Variants in KCNH1 observed in about 807,000 individuals in gnomAD.
KCNH1 encodes voltage-gated delayed rectifier potassium channel KCNH1.
Under a neutral mutation model 69.2 loss-of-function variants are expected in KCNH1, and 27 were observed. The observed-to-expected ratio is 0.39, with a 90% CI of 0.29 to 0.54. KCNH1 has a LOEUF of 0.54. Ranked by LOEUF, KCNH1 falls within the 20% of genes least tolerant of loss-of-function variation. KCNH1 has a pLI of 0.68. For missense variants in KCNH1, 798 were observed against 1,261.6 expected (o/e 0.63, Z 5.57); for synonymous variants, 456 against 487.7 (o/e 0.93, Z 0.86).
At chr1:210,898,247 T>C (rs937807722) in intron 7 of KCNH1, among the ~76,000 whole-genome samples, 1 of 152,216 alleles carries the variant, frequency 6.6e-6, no homozygotes, top group Non-Finnish European at 1.5e-5. Context: ...AGTATGACTA[T>C]ATTGCCTTAT....
chr1:210,787,466 G>T (rs1185443056), intron 9 of KCNH1, among the ~76,000 whole-genome samples: 1 of 152,194 alleles, frequency 6.6e-6, no homozygotes, highest in Non-Finnish European at 1.5e-5. Context: ...TTTATGAGAG[G>T]TGTATCTGTT....
At chr1:210,978,621 A>T (rs1574374709) in intron 6 of KCNH1, among the ~76,000 whole-genome samples, 1 of 152,296 alleles carries the variant, frequency 6.6e-6, no homozygotes, top group East Asian at 1.9e-4. Flanking sequence ...GCCTCAGCTA[A>T]ATCTGTGAAA....
chr1:210,983,826 G>C (rs915384405), intron 6 of KCNH1, among the ~76,000 whole-genome samples: 1 of 152,184 alleles, frequency 6.6e-6, no homozygotes, highest in Admixed American at 6.5e-5. Context: ...TTGGTAGCTT[G>C]ATGGGAATGG....
chr1:211,119,571 G>C (rs113862148), intron 1 of KCNH1, among the ~76,000 whole-genome samples: 2,115 of 152,064 alleles, frequency 0.014, 39 homozygotes, highest in African/African-American at 0.048. Context: ...ACAGATCAAG[G>C]TTATTTAGGA....
At chr1:211,070,652 C>T (rs1442807995) in intron 5 of KCNH1, among the ~76,000 whole-genome samples, 1 of 151,748 alleles carries the variant, frequency 6.6e-6, no homozygotes, top group Admixed American at 6.6e-5. Context: ...GGCGAAACCC[C>T]GTCTCTACTA....
chr1:210,897,378 T>G (rs1686891469), intron 7 of KCNH1, among the ~76,000 whole-genome samples: 1 of 151,904 alleles, frequency 6.6e-6, no homozygotes, highest in African/African-American at 2.4e-5. Context: ...CCAAGAAAAA[T>G]AAGTACCTAC....
intron 7 of KCNH1, among the ~76,000 whole-genome samples, chr1:210,840,089 T>A (rs1685373647): frequency 6.6e-6 from 1 of 152,174 alleles, no homozygotes; most frequent in Admixed American, 6.6e-5. Flanking sequence ...TATTTAATTT[T>A]CTCAGTCTAT....
At chr1:210,851,263 A>T (rs1431570517) in intron 7 of KCNH1, among the ~76,000 whole-genome samples, 2 of 152,244 alleles carry the variant, frequency 1.3e-5, no homozygotes. Context: ...TTCTTGGTCT[A>T]GTGTGTTTGG....
At chr1:210,714,475 T>G (rs1272733626) in intron 10 of KCNH1, among the ~76,000 whole-genome samples, 1 of 152,160 alleles carries the variant, frequency 6.6e-6, no homozygotes, top group African/African-American at 2.4e-5. Context: ...TAACCTAAAA[T>G]TCAGTGTCCC....
At chr1:210,903,982 C>G (rs1207255542) in intron 7 of KCNH1, among the ~76,000 whole-genome samples, 5 of 152,190 alleles carry the variant, frequency 3.3e-5, no homozygotes, top group Non-Finnish European at 5.9e-5. Flanking sequence ...TCTTGGAGAA[C>G]AGTGAGCTGC....
At chr1:210,897,690 T>C (rs549577761) in intron 7 of KCNH1, among the ~76,000 whole-genome samples, 60 of 152,326 alleles carry the variant, frequency 3.9e-4, no homozygotes, top group African/African-American at 1.4e-3. Context: ...GTACCAGGCC[T>C]TGCATGCTCA....
chr1:211,048,672 A>G lies in KCNH1; in HGVS notation c.559-29416T>C, dbSNP rs531465239. ...GGATCCAAAGGCATGAGAATGATACATTGGACTTTGGGGACAAGTGGGGAA... is the reference window on the plus strand; with the variant it reads ...GGATCCAAAGGCATGAGAATGATACGTTGGACTTTGGGGACAAGTGGGGAA... On this transcript the variant is annotated intron_variant, in intron 5 of 10. Coordinates refer to ENST00000271751, the MANE Select transcript of KCNH1 (RefSeq NM_172362.3). Among the ~76,000 whole-genome samples, 12 of 152,256 alleles carry G rather than the reference A, an allele frequency of 7.9e-5. No individual in the cohort carries two copies. The South Asian group carries it at 2.5e-3, about 32-fold the overall frequency.
At chr1:210,906,800 C>T (rs1687111794) in intron 7 of KCNH1, among the ~76,000 whole-genome samples, 1 of 152,168 alleles carries the variant, frequency 6.6e-6, no homozygotes, top group Non-Finnish European at 1.5e-5. Context: ...GCAGGTACTG[C>T]TTTCACATGA....
intron 7 of KCNH1, among the ~76,000 whole-genome samples, chr1:210,822,859 C>A (rs193177733): frequency 6.6e-6 from 1 of 152,160 alleles, no homozygotes; most frequent in Non-Finnish European, 1.5e-5. Context: ...TGTCTCAACA[C>A]GTCACACACT....
At chr1:210,704,904 C>A (rs1361820143) in intron 10 of KCNH1, among the ~76,000 whole-genome samples, 2 of 152,168 alleles carry the variant, frequency 1.3e-5, no homozygotes, top group African/African-American at 4.8e-5. Flanking sequence ...GCAAATGATT[C>A]ATCTAGAAAC....
intron 7 of KCNH1, among the ~76,000 whole-genome samples, chr1:210,910,127 T>A (rs1238576408): frequency 6.7e-6 from 1 of 148,592 alleles, no homozygotes; most frequent in African/African-American, 2.5e-5. Context: ...TGCAAAATGT[T>A]GCAATCCCTG....
chr1:210,775,898 T>C (rs1227107343), intron 9 of KCNH1, among the ~76,000 whole-genome samples: 4 of 152,202 alleles, frequency 2.6e-5, no homozygotes, highest in African/African-American at 4.8e-5. Context: ...TTCATTATAT[T>C]ACTTATTTAC....
intron 6 of KCNH1, among the ~76,000 whole-genome samples, chr1:211,013,708 A>T (rs932824477): frequency 6.6e-6 from 1 of 152,212 alleles, no homozygotes. Context: ...CTCAAGCCAC[A>T]GAAGGTTAGA....
intron 10 of KCNH1, among the ~76,000 whole-genome samples, chr1:210,748,687 C>T (rs183860061): frequency 1.3e-5 from 2 of 152,314 alleles, no homozygotes; most frequent in African/African-American, 4.8e-5. Context: ...TCTCCTGGCC[C>T]ATGCCAGGCA....
Sources: allele counts gnomAD v4.1 joint callset (sites outside exome capture counted in the v4.1 genomes callset), GRCh38; gene constraint gnomAD v4.1.1; transcripts MANE v1.5; gene names NCBI Gene and HGNC (gene_info 2026-07-23, HGNC 2026-07-21).